PHF24: variants seen among roughly 807,000 people sequenced by gnomAD.
PHF24 encodes PHD finger protein 24.
PHF24 carries 25 observed loss-of-function variants against 42.6 expected under a neutral mutation model. The ratio of observed to expected loss-of-function variants is 0.59; its 90% CI spans 0.43 to 0.82. The LOEUF is 0.82. Among genes scored for constraint, PHF24 ranks in the 40% least tolerant of loss-of-function variants. PHF24 has a pLI of 0.00. For synonymous variants in PHF24, 185 were observed against 204.8 expected (o/e 0.90, Z 0.83); for missense variants, 470 against 538.1 (o/e 0.87, Z 1.25).
chr9:34,714,634 C>T, the PHF24 span, among the ~76,000 whole-genome samples: 2 of 152,176 alleles, frequency 1.3e-5, no homozygotes, highest in Non-Finnish European at 2.9e-5. Context: ...ATTCTGCTCC[C>T]CATCCCACAC....
the PHF24 span, among the ~76,000 whole-genome samples, chr9:34,923,956 C>T: frequency 6.6e-6 from 1 of 151,644 alleles, no homozygotes; most frequent in African/African-American, 2.4e-5. Context: ...ATAAATTTTC[C>T]TCTTAGCACT....
At chr9:34,761,346 A>C in the PHF24 span, among the ~76,000 whole-genome samples, 10 of 152,176 alleles carry the variant, frequency 6.6e-5, no homozygotes, top group African/African-American at 2.2e-4. Context: ...TGATTTATTC[A>C]TTCATCCAAC....
intron 6 of PHF24, 146 bp downstream of exon 6, chr9:34,977,389 G>T: frequency 8.3e-7 from 1 of 1,210,248 alleles, no homozygotes. Flanking sequence ...TGATGCCTAC[G>T]GGCCAGGGCA....
At chr9:34,715,966 A>AG in the PHF24 span, among the ~76,000 whole-genome samples, 1 of 152,198 alleles carries the variant, frequency 6.6e-6, no homozygotes, top group South Asian at 2.1e-4. Context: ...GGCAAGAGCC[A>AG]GGGAGGGGTA....
the PHF24 span, among the ~76,000 whole-genome samples, chr9:34,676,391 G>A: frequency 1.3e-5 from 2 of 152,188 alleles, no homozygotes; most frequent in African/African-American, 2.4e-5. Context: ...GGGCATGGTG[G>A]CGGGCCCCTG....
At chr9:34,735,582 T>C in the PHF24 span, among the ~76,000 whole-genome samples, 71 of 151,462 alleles carry the variant, frequency 4.7e-4, no homozygotes, top group African/African-American at 1.4e-3. Context: ...TGGTGGATCA[T>C]GAGGTCAGGA....
chr9:34,854,544 C>G, the PHF24 span, among the ~76,000 whole-genome samples: 1 of 152,178 alleles, frequency 6.6e-6, no homozygotes, highest in South Asian at 2.1e-4. Context: ...ACCTACGAAT[C>G]ATTCAGGAGC....
the PHF24 span, among the ~76,000 whole-genome samples, chr9:34,758,333 G>A: frequency 2.6e-5 from 4 of 152,218 alleles, no homozygotes; most frequent in African/African-American, 9.6e-5. This position sits in a 1 kb window ranked among gnomAD's most constrained non-coding sequence, Gnocchi z 4.4. Context: ...CAGTTGTTTG[G>A]TGGTTTGGGG....
At chr9:34,911,923 A>C in the PHF24 span, among the ~76,000 whole-genome samples, 1 of 152,196 alleles carries the variant, frequency 6.6e-6, no homozygotes, top group African/African-American at 2.4e-5. Context: ...TCCTTTACCT[A>C]CCAATTTCGA....
the PHF24 span, among the ~76,000 whole-genome samples, chr9:34,747,842 T>C: frequency 3.3e-5 from 5 of 152,122 alleles, no homozygotes; most frequent in East Asian, 1.9e-4. Flanking sequence ...AAAAGACATA[T>C]ATTTGAAAGT....
chr9:34,733,790 A>G, the PHF24 span, among the ~76,000 whole-genome samples: 1 of 152,218 alleles, frequency 6.6e-6, no homozygotes, highest in African/African-American at 2.4e-5. Flanking sequence ...GGCATGTACT[A>G]CTGTGCCCGG....
At chr9:34,789,390 A>G in the PHF24 span, among the ~76,000 whole-genome samples, 1 of 152,186 alleles carries the variant, frequency 6.6e-6, no homozygotes, top group East Asian at 1.9e-4. Context: ...TCTTTCTTCC[A>G]AAGGACCGAG....
chr9:34,935,386 G>C, the PHF24 span, among the ~76,000 whole-genome samples: 1 of 152,178 alleles, frequency 6.6e-6, no homozygotes, highest in Non-Finnish European at 1.5e-5. Context: ...CTGAGGTCAG[G>C]AGTTCGAGGC....
chr9:34,729,257 T>C, the PHF24 span: 4 of 1,545,186 alleles, frequency 2.6e-6, no homozygotes, highest in Non-Finnish European at 3.5e-6. Context: ...TGAGGCTTAA[T>C]TAGTTCAGTT....
At chr9:34,958,176 G>C (rs1307833944), upstream of PHF24, 1 of 149,068 alleles carries the variant, frequency 6.7e-6, no homozygotes, top group African/African-American at 2.4e-5. The surrounding 1 kb of genome is among the most constrained non-coding windows in gnomAD (Gnocchi z 4.5). Flanking sequence ...ACCTCGCGCG[G>C]GTGCACACGC....
chr9:34,870,443 T>A, the PHF24 span, among the ~76,000 whole-genome samples: 1 of 152,212 alleles, frequency 6.6e-6, no homozygotes, highest in Non-Finnish European at 1.5e-5. Flanking sequence ...CCGTAACCTT[T>A]GGCAACTACT....
chr9:34,740,207 C>G, the PHF24 span, among the ~76,000 whole-genome samples: 2 of 152,266 alleles, frequency 1.3e-5, no homozygotes, highest in African/African-American at 4.8e-5. Flanking sequence ...GCGGGTGGAG[C>G]TGTCTGCCAG....
At chr9:34,787,523 G>A in the PHF24 span, among the ~76,000 whole-genome samples, 34 of 152,228 alleles carry the variant, frequency 2.2e-4, no homozygotes, top group South Asian at 6.2e-3. Flanking sequence ...TATCTTGAAA[G>A]GACTAAGGTT....
At chr9:34,953,041 T>G (rs369110315), upstream of PHF24, among the ~76,000 whole-genome samples, 52 of 152,258 alleles carry the variant, frequency 3.4e-4, 1 homozygote, top group South Asian at 0.011. The surrounding 1 kb of genome is among the most constrained non-coding windows in gnomAD (Gnocchi z 4.1). Context: ...AAGGGCAAAA[T>G]CTTTTGTGAT....
Sources: allele counts gnomAD v4.1 joint callset (sites outside exome capture counted in the v4.1 genomes callset), GRCh38; gene constraint gnomAD v4.1.1; non-coding constraint Gnocchi (gnomAD v3.1); transcripts MANE v1.5; gene names NCBI Gene and HGNC (gene_info 2026-07-23, HGNC 2026-07-21).